The following PFKFB1 variants were observed in gnomAD, a reference collection of about 807,000 sequenced individuals.
The protein encoded by PFKFB1 is 6-phosphofructo-2-kinase/fructose-2,6-biphosphatase 1, also known as 6-phosphofructo-2-kinase/fructose-2,6-bisphosphatase 1.
PFKFB1 carries 34 observed loss-of-function variants against 46.4 expected under a neutral mutation model. That is an observed-to-expected ratio of 0.73 (90% CI 0.56 to 0.98). The LOEUF (loss-of-function observed/expected upper bound fraction) is 0.98. Ranked by LOEUF, PFKFB1 falls within the 50% of genes least tolerant of loss-of-function variation. The pLI, the probability that PFKFB1 is intolerant of heterozygous loss-of-function variation, is 0.00. For synonymous variants in PFKFB1, 119 were observed against 133.8 expected (o/e 0.89, Z 0.76); for missense variants, 393 against 376.3 (o/e 1.04, Z -0.37).
chrX:54,960,803 C>T, intron 3 of PFKFB1, 21 bp downstream of exon 3: 3 of 1,047,096 alleles, frequency 2.9e-6, no homozygotes, highest in Non-Finnish European at 2.7e-6. Flanking sequence ...AGCACAGGTT[C>T]CTAAAATATT....
chrX:54,960,774 G>A (rs1934286718), intron 3 of PFKFB1, 50 bp downstream of exon 3: 1 of 838,207 alleles, frequency 1.2e-6, no homozygotes, highest in African/African-American at 2.0e-5. Context: ...TCTGAACAAG[G>A]GCCTTTCAGC....
At chrX:54,948,952 G>C in intron 9 of PFKFB1, 123 bp downstream of exon 9, 1 of 755,414 alleles carries the variant, frequency 1.3e-6, no homozygotes, top group African/African-American at 2.1e-5. Context: ...CACATGGCTA[G>C]TTGTCAAAAA....
chrX:54,955,317 C>T (rs1359727624), intron 7 of PFKFB1, among the ~76,000 whole-genome samples: 2 of 111,361 alleles, frequency 1.8e-5, no homozygotes, highest in African/African-American at 6.5e-5. Context: ...CTTTAGATTT[C>T]TTAGAGTGGT....
intron 1 of PFKFB1, among the ~76,000 whole-genome samples, chrX:54,972,749 A>C (rs1934711646): frequency 9.0e-6 from 1 of 111,730 alleles, no homozygotes; most frequent in Non-Finnish European, 1.9e-5. Context: ...CCAGTATTTT[A>C]TTGAGGATTT....
At chrX:54,955,104 C>A (rs1266955662) in intron 7 of PFKFB1, among the ~76,000 whole-genome samples, 1 of 112,127 alleles carries the variant, frequency 8.9e-6, no homozygotes, top group Non-Finnish European at 1.9e-5. Flanking sequence ...GTGAGAGAAG[C>A]GAGTGTACCC....
At chrX:54,943,991 T>C (rs1270023318) in intron 10 of PFKFB1, among the ~76,000 whole-genome samples, 1 of 110,819 alleles carries the variant, frequency 9.0e-6, no homozygotes, top group Non-Finnish European at 1.9e-5. Context: ...ACAATTAACA[T>C]GTAAATTAGG....
At chrX:54,979,686 T>C (rs960958642) in intron 1 of PFKFB1, among the ~76,000 whole-genome samples, 2 of 111,776 alleles carry the variant, frequency 1.8e-5, no homozygotes, top group East Asian at 2.8e-4. Flanking sequence ...GTGGGTGCAA[T>C]AGGCAGCATA....
chrX:54,966,152 C>A (rs1934467410), intron 1 of PFKFB1, among the ~76,000 whole-genome samples: 1 of 111,793 alleles, frequency 8.9e-6, no homozygotes, highest in South Asian at 3.7e-4. Flanking sequence ...CCGAGATGGT[C>A]AGATTAGATT....
intron 6 of PFKFB1, among the ~76,000 whole-genome samples, chrX:54,957,525 A>C: frequency 9.0e-6 from 1 of 110,876 alleles, no homozygotes; most frequent in South Asian, 3.9e-4. Context: ...TTGAATCAAT[A>C]GATAGATAGA....
At chrX:54,984,776 A>AT (rs1569547298) in intron 1 of PFKFB1, among the ~76,000 whole-genome samples, 1 of 111,612 alleles carries the variant, frequency 9.0e-6, no homozygotes, top group South Asian at 3.7e-4. Context: ...TCAGCTCAGA[A>AT]TTGCAGAGGC....
intron 10 of PFKFB1, among the ~76,000 whole-genome samples, chrX:54,939,517 G>T (rs920834330): frequency 9.0e-6 from 1 of 111,700 alleles, no homozygotes; most frequent in South Asian, 3.8e-4. Context: ...AAGAAGAAAA[G>T]AGATAAGAAT....
chrX:54,948,091 T>A (rs772864455), intron 9 of PFKFB1, among the ~76,000 whole-genome samples: 2 of 110,212 alleles, frequency 1.8e-5, no homozygotes, highest in Non-Finnish European at 3.8e-5. Flanking sequence ...CCCAGCTAAT[T>A]TTTAAATTGT....
intron 1 of PFKFB1, among the ~76,000 whole-genome samples, chrX:54,974,481 A>T (rs1478945799): frequency 8.9e-6 from 1 of 111,914 alleles, no homozygotes; most frequent in Non-Finnish European, 1.9e-5. Flanking sequence ...TATACCTCAG[A>T]CCTGAAATCA....
intron 9 of PFKFB1, among the ~76,000 whole-genome samples, chrX:54,946,086 T>C (rs1186240944): frequency 9.1e-6 from 1 of 110,367 alleles, no homozygotes; most frequent in Non-Finnish European, 1.9e-5. Context: ...TCCATGCAGG[T>C]CTCAGTGTGT....
intron 10 of PFKFB1, among the ~76,000 whole-genome samples, chrX:54,939,300 T>A (rs1253083588): frequency 9.1e-6 from 1 of 110,380 alleles, no homozygotes; most frequent in Admixed American, 9.6e-5. Context: ...AGGAAAGATC[T>A]AAAATTGACA....
chrX:54,941,481 G>A (rs1557235131), intron 10 of PFKFB1, among the ~76,000 whole-genome samples: 1 of 111,824 alleles, frequency 8.9e-6, no homozygotes, highest in Non-Finnish European at 1.9e-5. Context: ...GAAAATTTTT[G>A]CAATCTACTC....
intron 1 of PFKFB1, among the ~76,000 whole-genome samples, chrX:54,970,431 A>G (rs1422454810): frequency 3.9e-5 from 4 of 102,877 alleles, no homozygotes; most frequent in Non-Finnish European, 7.9e-5. Flanking sequence ...GGTGTGCTGC[A>G]CCCATTAACT....
intron 1 of PFKFB1, among the ~76,000 whole-genome samples, chrX:54,973,638 A>T (rs1458637462): frequency 9.0e-6 from 1 of 111,298 alleles, no homozygotes; most frequent in African/African-American, 3.3e-5. Flanking sequence ...GTTTCCATGT[A>T]GGTGAGCAGT....
intron 1 of PFKFB1, among the ~76,000 whole-genome samples, chrX:54,972,398 G>A (rs1453538633): frequency 2.8e-5 from 3 of 108,858 alleles, no homozygotes; most frequent in African/African-American, 1.0e-4. Flanking sequence ...GGTGAGAGAG[G>A]GCATCCCTGT....
Sources: gnomAD v4.1 joint callset for allele counts (sites outside exome capture counted in the v4.1 genomes callset) on GRCh38, gnomAD v4.1.1 for gene constraint, MANE v1.5 for transcripts, NCBI Gene and HGNC (gene_info 2026-07-23, HGNC 2026-07-21) for gene names.